The following ZFP2 variants were observed in gnomAD, a reference collection of about 807,000 sequenced individuals.
ZFP2 encodes the protein zinc finger protein ZFP2.
Under a neutral mutation model 36.1 loss-of-function variants are expected in ZFP2, and 33 were observed. The observed-to-expected ratio is 0.92, with a 90% CI of 0.69 to 1.22. ZFP2 has a LOEUF of 1.22. Ranked by LOEUF, ZFP2 falls within the 50% of genes most tolerant of loss-of-function variation. The pLI, the probability that ZFP2 is intolerant of heterozygous loss-of-function variation, is 0.00. For missense variants in ZFP2, 522 were observed against 551.4 expected, an observed-to-expected ratio of 0.95 and a Z score of 0.53; for synonymous variants, 170 against 178.0, an observed-to-expected ratio of 0.96 and a Z score of 0.36.
chr5:178,929,952 G>GC (rs973211442), intron 4 of ZFP2, among the ~76,000 whole-genome samples: 3 of 148,730 alleles, frequency 2.0e-5, no homozygotes, highest in Admixed American at 6.7e-5. Flanking sequence ...TGGGGGGGGG[G>GC]GCTCAGGAGG....
chr5:178,920,180 T>G (rs998434251), intron 4 of ZFP2, among the ~76,000 whole-genome samples: 1 of 152,204 alleles, frequency 6.6e-6, no homozygotes, highest in Admixed American at 6.5e-5. Flanking sequence ...TGAGGTGCTC[T>G]TCATCTTTAT....
At position 178,932,736 on chromosome 5, in the gene ZFP2, C is replaced by T; in HGVS notation, c.*37C>T. The T allele has an allele frequency of 6.5e-7, 1 of 1,535,108 alleles. No individual in the cohort carries two copies. The highest frequency in any genetic ancestry group is 8.7e-7 in the Non-Finnish European group (1 of 1,144,726). On this transcript the variant is annotated 3_prime_UTR_variant, in exon 5 of 5. Coordinates refer to ENST00000361362, the MANE Select transcript of ZFP2 (RefSeq NM_030613.4). ...ACTGGCCCTTACCTCATGATTAACT[C>T]TTCAGTAATAATCATATGAGACATA...
At position 178,931,966 on chromosome 5, in the gene ZFP2, A is replaced by T. The variant is rs762625061; in HGVS notation, c.653A>T (p.Glu218Val). ...GGAGAGAAACCCTACAAATGTAATG[A>T]ATGTGGTAAAGCTTTTACCCAAAGC... ...HTGEKPYKCN[E>V]CGKAFTQSMN... The change falls in exon 5 of 5, where the codon GAA (glutamate) becomes GTA (valine). Residue 218 changes from glutamate to valine, a missense_variant. Glu to Val is a moderately radical substitution (Grantham distance 121). Coordinates refer to ENST00000361362, the MANE Select transcript of ZFP2 (RefSeq NM_030613.4). The T allele has an allele frequency of 3.7e-6, 6 of 1,613,882 alleles. No individual in the cohort carries two copies. The highest frequency in any genetic ancestry group is 5.1e-6 in the Non-Finnish European group (6 of 1,179,960).
intron 4 of ZFP2, among the ~76,000 whole-genome samples, chr5:178,927,194 A>G (rs1444087962): frequency 6.6e-6 from 1 of 152,184 alleles, no homozygotes; most frequent in African/African-American, 2.4e-5. Context: ...ACAGTTTAGC[A>G]GATCCCCTGG....
intron 4 of ZFP2, among the ~76,000 whole-genome samples, chr5:178,917,842 T>C (rs1758472759): frequency 6.6e-6 from 1 of 152,240 alleles, no homozygotes; most frequent in Non-Finnish European, 1.5e-5. Flanking sequence ...CTATAATGAA[T>C]GTAGAAGTAT....
At chr5:178,918,804 A>T (rs920734942) in intron 4 of ZFP2, among the ~76,000 whole-genome samples, 1 of 152,236 alleles carries the variant, frequency 6.6e-6, no homozygotes, top group Non-Finnish European at 1.5e-5. Context: ...ATTACATCCA[A>T]GCATAATGCT....
intron 4 of ZFP2, among the ~76,000 whole-genome samples, chr5:178,926,294 A>C (rs1371761058): frequency 6.6e-6 from 1 of 151,822 alleles, no homozygotes; most frequent in African/African-American, 2.4e-5. Flanking sequence ...GAACTTCTTC[A>C]TAGTTTCCAA....
At chr5:178,896,661 T>G (rs1233641913) in intron 1 of ZFP2, among the ~76,000 whole-genome samples, 1 of 152,242 alleles carries the variant, frequency 6.6e-6, no homozygotes, top group Non-Finnish European at 1.5e-5. Context: ...AAATTGAGAT[T>G]AAAACAATCA....
rs990713790 is a variant in ZFP2, at chr5:178,930,314, C to CTTTTTTTTTTTTTT, written c.-77-912_-77-899dup. On this transcript the variant is annotated intron_variant, in intron 4 of 4. Transcript: ENST00000361362. Reference sequence around the variant, plus strand: ...ATTTCTTTCTTTTTTTTTCCCTTTCCTTTTTTTTTTTTTTTTTTTTTTTTG... The same window carrying CTTTTTTTTTTTTTT: ...ATTTCTTTCTTTTTTTTTCCCTTTCCTTTTTTTTTTTTTTTTTTTTTTTTTTTTTTTTTTTTTTG... Among the ~76,000 whole-genome samples, 14 of 71,372 alleles carry CTTTTTTTTTTTTTT rather than the reference C, an allele frequency of 2.0e-4. 1 individual carries two copies. Among genetic ancestry groups the CTTTTTTTTTTTTTT allele is most frequent in the Admixed American group, 4.4e-4 (2 of 4,560 alleles). 46.8% of individuals were successfully genotyped at this position (71,372 alleles called of 152,430 possible).
At chr5:178,919,384 T>C (rs933615493) in intron 4 of ZFP2, among the ~76,000 whole-genome samples, 8 of 152,230 alleles carry the variant, frequency 5.3e-5, no homozygotes, top group African/African-American at 1.9e-4. Flanking sequence ...GGCTCTGATA[T>C]TACAATGACT....
chr5:178,922,492 T>A lies in ZFP2; in HGVS notation c.-78+5782T>A, dbSNP rs1236805907. The A allele has an allele frequency of 2.9e-6, 4 of 1,374,296 alleles. No homozygotes were observed. In the African/African-American group the frequency reaches 4.2e-5, roughly 14 times the overall value. The allele number at this position is 1,374,296 out of a possible 1,614,324, so 85.1% of individuals were successfully genotyped here. A position where few individuals can be genotyped will look rare whatever the true frequency, so the allele number is the denominator to read the frequency against. On this transcript the variant is annotated intron_variant, in intron 4 of 4. Coordinates refer to ENST00000361362, the MANE Select transcript of ZFP2 (RefSeq NM_030613.4). ...TCAAAGCATGGCTAAGAGTTTTCAG[T>A]AGAAATGGAGTTACATCCATATGGG... is the stretch of plus-strand genomic sequence containing the variant.
rs189478415 is a variant in ZFP2, at chr5:178,909,233, C to G, written c.-449-3351C>G. Among the ~76,000 whole-genome samples, 9 of 152,252 alleles carry G rather than the reference C, an allele frequency of 5.9e-5. No homozygotes were observed. In the East Asian group the frequency reaches 1.7e-3, roughly 30 times the overall value. ...TGGAATGTGTCTACACTTGCTGGCTCCTTGCTTCTAGCACTCCCAGGCTCA... is the reference window on the plus strand; with the variant it reads ...TGGAATGTGTCTACACTTGCTGGCTGCTTGCTTCTAGCACTCCCAGGCTCA... On this transcript the variant is annotated intron_variant, in intron 1 of 4. Transcript: ENST00000361362.
intron 1 of ZFP2, among the ~76,000 whole-genome samples, chr5:178,898,593 G>A (rs1203044638): frequency 6.6e-6 from 1 of 152,090 alleles, no homozygotes; most frequent in African/African-American, 2.4e-5. Flanking sequence ...GCCTCCTTTG[G>A]CTTCTGTCCC....
chr5:178,922,819 T>C, intron 4 of ZFP2: 1 of 1,263,052 alleles, frequency 7.9e-7, no homozygotes, highest in Non-Finnish European at 1.1e-6. Context: ...AGCACTGTTT[T>C]TTATGTAGTT....
intron 1 of ZFP2, among the ~76,000 whole-genome samples, chr5:178,909,103 CGT>C (rs1181147325): frequency 7.5e-6 from 1 of 133,726 alleles, no homozygotes; most frequent in African/African-American, 2.8e-5. Context: ...GGGCTCAGGG[CGT>C]AAAACCCCTC....
intron 1 of ZFP2, among the ~76,000 whole-genome samples, chr5:178,908,634 AAAAAC>A (rs1758223351): frequency 6.6e-6 from 1 of 151,532 alleles, no homozygotes; most frequent in African/African-American, 2.4e-5. Flanking sequence ...AAAAAAAAAA[AAAAAC>A]CTAATTTGTG....
intron 1 of ZFP2, among the ~76,000 whole-genome samples, chr5:178,912,309 T>C (rs147363323): frequency 6.6e-6 from 1 of 152,080 alleles, no homozygotes; most frequent in Admixed American, 6.6e-5. Flanking sequence ...GAATAGGAGG[T>C]GATCACAACA....
chr5:178,930,985 CT>C (rs1002799552), intron 4 of ZFP2, among the ~76,000 whole-genome samples: 2 of 152,218 alleles, frequency 1.3e-5, no homozygotes, highest in Admixed American at 6.5e-5. Context: ...TGGGCTCACT[CT>C]TTTCTCTGCT....
intron 4 of ZFP2, among the ~76,000 whole-genome samples, chr5:178,918,461 C>T (rs62395085): frequency 0.043 from 6,587 of 152,256 alleles, 290 homozygotes; most frequent in South Asian, 0.2. Flanking sequence ...GCTTGCTGCC[C>T]AGTCCCATCC....
Sources: gnomAD v4.1 joint callset for allele counts (sites outside exome capture counted in the v4.1 genomes callset) on GRCh38, gnomAD v4.1.1 for gene constraint, MANE v1.5 for transcripts, NCBI Gene and HGNC (gene_info 2026-07-23, HGNC 2026-07-21) for gene names.